The following SND1 variants were observed in gnomAD, a reference collection of about 807,000 sequenced individuals.
The protein encoded by SND1 is staphylococcal nuclease and tudor domain containing 1.
SND1 carries 38 observed loss-of-function variants against 121.7 expected under a neutral mutation model. That is an observed-to-expected ratio of 0.31 (90% CI 0.24 to 0.41). SND1 has a LOEUF of 0.41. Among genes scored for constraint, SND1 ranks in the 10% least tolerant of loss-of-function variants. SND1 has a pLI of 1.00. For missense variants in SND1, 868 were observed against 1,184.6 expected (o/e 0.73, Z 3.92); for synonymous variants, 401 against 447.4 (o/e 0.90, Z 1.31).
chr7:127,924,001 T>A (rs1009772314), intron 14 of SND1, among the ~76,000 whole-genome samples: 1 of 151,722 alleles, frequency 6.6e-6, no homozygotes, highest in Non-Finnish European at 1.5e-5. Context: ...TTTTTTTTCC[T>A]GTGTCTGTCC....
At chr7:128,084,977 G>T in intron 19 of SND1, 130 bp downstream of exon 19, 1 of 922,756 alleles carries the variant, frequency 1.1e-6, no homozygotes, top group East Asian at 3.0e-5. Flanking sequence ...CAGCTCTCCT[G>T]GGTGTCCCTC....
chr7:128,074,552 G>A lies in SND1; in HGVS notation c.1830G>A (p.Trp610Ter), dbSNP rs1468062303. ...SMDKAGNFIG[W>*]LHIDGANLSV... ...ACAAGGCCGGCAACTTTATCGGCTG[G>A]CTGCACATCGACGGTGCCAACCTGT... The change falls in exon 17 of 24, where the codon TGG becomes TGA. Residue 610 changes from tryptophan (W) to a stop codon, truncating the protein, a stop_gained. Coordinates refer to ENST00000354725, the MANE Select transcript of SND1 (RefSeq NM_014390.4). LOFTEE classifies it high-confidence loss of function. 1 of 1,613,540 alleles carries A rather than the reference G, an allele frequency of 6.2e-7. No individual in the cohort carries two copies. Among genetic ancestry groups the A allele is most frequent in the East Asian group, 2.2e-5 (1 of 44,868 alleles).
intron 17 of SND1, among the ~76,000 whole-genome samples, chr7:128,076,312 A>G (rs1279492572): frequency 2.0e-5 from 3 of 152,206 alleles, no homozygotes; most frequent in Admixed American, 6.5e-5. Context: ...GTGCCACTTG[A>G]TGACGCTGAG....
At chr7:127,950,403 C>A (rs1254144281) in intron 15 of SND1, among the ~76,000 whole-genome samples, 1 of 152,164 alleles carries the variant, frequency 6.6e-6, no homozygotes, top group South Asian at 2.1e-4. Context: ...TCATTGTGAT[C>A]AGCAGATCAT....
intron 16 of SND1, among the ~76,000 whole-genome samples, chr7:128,063,816 C>T (rs183644981): frequency 1.3e-5 from 2 of 152,302 alleles, no homozygotes; most frequent in Admixed American, 1.3e-4. Context: ...AACATTCCAG[C>T]CAAAATGAAT....
chr7:128,013,663 G>A (rs568788609), intron 16 of SND1, among the ~76,000 whole-genome samples: 13 of 152,284 alleles, frequency 8.5e-5, no homozygotes, highest in African/African-American at 2.4e-4. Context: ...CATTAGATTC[G>A]CATAAGGAGC....
chr7:127,748,792 A>G (rs1463301039), intron 10 of SND1, among the ~76,000 whole-genome samples: 3 of 152,166 alleles, frequency 2.0e-5, no homozygotes, highest in Admixed American at 6.5e-5. Context: ...ACATTCAAGC[A>G]GGTCTTGAAG....
chr7:127,943,520 T>C (rs1178217413), intron 15 of SND1, among the ~76,000 whole-genome samples: 7 of 152,204 alleles, frequency 4.6e-5, no homozygotes, highest in Non-Finnish European at 1.0e-4. Flanking sequence ...GCTCCAGACA[T>C]AGGCCTTTGT....
intron 3 of SND1, among the ~76,000 whole-genome samples, chr7:127,697,637 G>C (rs1342121508): frequency 6.6e-6 from 1 of 151,986 alleles, no homozygotes; most frequent in Non-Finnish European, 1.5e-5. Flanking sequence ...AACAGAAAGG[G>C]TCAGGTGATC....
chr7:127,765,069 A>C lies in SND1; in HGVS notation c.1153-42415A>C, dbSNP rs1456896413. On this transcript the variant is annotated intron_variant, in intron 10 of 23. Coordinates refer to ENST00000354725, the MANE Select transcript of SND1 (RefSeq NM_014390.4). ...TTGGGAGACTAAAGAGGAATTTATG[A>C]GAAGACCATCAGAATCAGTTAGGTG... Among the ~76,000 whole-genome samples, 3 of 152,242 alleles carry C rather than the reference A, an allele frequency of 2.0e-5. No individual in the cohort carries two copies. The East Asian group carries it at 5.8e-4, about 29-fold the overall frequency.
At chr7:127,960,920 G>A (rs1361781406) in intron 15 of SND1, among the ~76,000 whole-genome samples, 2 of 152,234 alleles carry the variant, frequency 1.3e-5, no homozygotes, top group South Asian at 2.1e-4. Flanking sequence ...GGAATCCCAA[G>A]AGAAGTTTGG....
At chr7:127,969,033 T>C (rs1303898045) in intron 15 of SND1, among the ~76,000 whole-genome samples, 1 of 152,190 alleles carries the variant, frequency 6.6e-6, no homozygotes, top group Non-Finnish European at 1.5e-5. Flanking sequence ...CTCTACCTCC[T>C]CTGTGTTCAC....
intron 3 of SND1, among the ~76,000 whole-genome samples, chr7:127,697,053 C>CT (rs773263766): frequency 7.9e-5 from 12 of 152,044 alleles, no homozygotes; most frequent in Non-Finnish European, 1.8e-4. Flanking sequence ...TTGCTACCCA[C>CT]TTTTTTTTAT....
At chr7:127,768,882 T>A (rs1797465871) in intron 10 of SND1, among the ~76,000 whole-genome samples, 1 of 152,204 alleles carries the variant, frequency 6.6e-6, no homozygotes, top group Admixed American at 6.5e-5. Context: ...TATAGTCAAG[T>A]CCTTTCTCTT....
At chr7:128,075,116 C>G (rs146134584) in intron 17 of SND1, among the ~76,000 whole-genome samples, 1 of 152,370 alleles carries the variant, frequency 6.6e-6, no homozygotes, top group East Asian at 1.9e-4. Flanking sequence ...CGTGGGGAAA[C>G]AACCCTAGGA....
At chr7:127,654,709 T>G (rs1248652345) in intron 1 of SND1, among the ~76,000 whole-genome samples, 1 of 152,212 alleles carries the variant, frequency 6.6e-6, no homozygotes, top group Non-Finnish European at 1.5e-5. Context: ...TTCAGTGATT[T>G]GAGCCATCTG....
rs1031183147 is a variant in SND1 at position 127,857,904 on chromosome 7, G to T, written c.1343+13480G>T. ...AGTTGTAGAACTGACCACGAAGGGG[G>T]TCCAGCTTCCGGCAGTAAACACCAT... On this transcript the variant is annotated intron_variant, in intron 12 of 23. Coordinates refer to ENST00000354725, the MANE Select transcript of SND1 (RefSeq NM_014390.4). 3.6e-6 allele frequency: 5 copies of T among 1,393,960 alleles called. No individual in the cohort carries two copies. In the African/African-American group the frequency reaches 5.7e-5, roughly 16 times the overall value. The allele number at this position is 1,393,960 out of a possible 1,614,324, so 86.3% of individuals were successfully genotyped here.
At chr7:127,943,164 T>TA (rs1454409585) in intron 15 of SND1, among the ~76,000 whole-genome samples, 1 of 152,230 alleles carries the variant, frequency 6.6e-6, no homozygotes, top group Non-Finnish European at 1.5e-5. Context: ...TCATGTTTGA[T>TA]ACAGCTTTGT....
intron 15 of SND1, among the ~76,000 whole-genome samples, chr7:127,986,541 C>A (rs1802394625): frequency 6.6e-6 from 1 of 152,230 alleles, no homozygotes; most frequent in Non-Finnish European, 1.5e-5. Flanking sequence ...ATTTTCTCTT[C>A]CTAAACTATA....
Sources: gnomAD v4.1 joint callset for allele counts (sites outside exome capture counted in the v4.1 genomes callset) on GRCh38, gnomAD v4.1.1 for gene constraint, MANE v1.5 for transcripts, NCBI Gene and HGNC (gene_info 2026-07-23, HGNC 2026-07-21) for gene names.